Variants in BORA observed in about 807,000 individuals in gnomAD.
BORA encodes the protein protein aurora borealis.
In BORA, 26 loss-of-function variants were observed where a neutral mutation model predicts 55.8. That is an observed-to-expected ratio of 0.47 (90% CI 0.34 to 0.65). BORA has a LOEUF of 0.65. Among genes scored for constraint, BORA ranks in the 30% least tolerant of loss-of-function variants. The probability of loss-of-function intolerance (pLI) is 0.01; values close to 1 mark genes in which losing one functional copy is unlikely to be tolerated. For synonymous variants in BORA, 201 were observed against 216.9 expected (o/e 0.93, Z 0.64); for missense variants, 568 against 671.5 (o/e 0.85, Z 1.70).
chr13:72,735,506 A>T (rs369178615), intron 4 of BORA, among the ~76,000 whole-genome samples: 1 of 152,212 alleles, frequency 6.6e-6, no homozygotes, highest in African/African-American at 2.4e-5. Flanking sequence ...CAGGAAAGGT[A>T]TATCATAATG....
intron 10 of BORA, among the ~76,000 whole-genome samples, chr13:72,750,507 T>A (rs965000090): frequency 6.6e-6 from 1 of 152,050 alleles, no homozygotes; most frequent in Non-Finnish European, 1.5e-5. Context: ...GGTTGCAATT[T>A]TTTGAATTTT....
At position 72,737,973 on chromosome 13, in the gene BORA, A is replaced by G; in HGVS notation, c.318A>G (p.Lys106=). 1 of 1,588,182 alleles carries G rather than the reference A, an allele frequency of 6.3e-7. No homozygotes were observed. Among genetic ancestry groups the G allele is most frequent in the Non-Finnish European group, 8.6e-7 (1 of 1,164,808 alleles). ...TTTAATTTTCCTAGTTTTTCACTAAAGATGTCATCGTACCCTCTCCTTGGA... is the reference window on the plus strand; with the variant it reads ...TTTAATTTTCCTAGTTTTTCACTAAGGATGTCATCGTACCCTCTCCTTGGA... ...RQKAIEEFFT[K]DVIVPSPWTD... The change falls in exon 5 of 12, where the codon AAA becomes AAG. Residue 106 remains lysine (K), a synonymous_variant. Transcript: ENST00000390667.
intron 3 of BORA, among the ~76,000 whole-genome samples, 156 bp from the exon 4 acceptor site, chr13:72,734,804 A>G (rs2032885493): frequency 6.6e-6 from 1 of 152,230 alleles, no homozygotes; most frequent in African/African-American, 2.4e-5. Context: ...AAATGTTACT[A>G]AATGTTACAA....
intron 10 of BORA, 44 bp from the exon 11 acceptor site, chr13:72,753,644 CTT>C: frequency 6.4e-7 from 1 of 1,571,380 alleles, no homozygotes; most frequent in South Asian, 1.2e-5. Context: ...AAATATTTGA[CTT>C]TTAAGTTCCT....
Position 72,746,780 on chromosome 13 carries a change from A to G in BORA, c.1151A>G (p.His384Arg). Residue 384 changes from histidine to arginine, a missense_variant, in exon 10 of 12, where the codon CAC (histidine) becomes CGC (arginine). His to Arg is a conservative substitution (Grantham distance 29). Transcript: ENST00000390667. ...CCCGCCATGGATGCTGCTGGAATACACCTACGGCAGTTTAGTAATGAGGCT... is the reference window on the plus strand; with the variant it reads ...CCCGCCATGGATGCTGCTGGAATACGCCTACGGCAGTTTAGTAATGAGGCT... ...SSPAMDAAGI[H>R]LRQFSNEAST... is the part of the protein sequence containing the mutation. 6.2e-7 allele frequency: 1 copy of G among 1,614,136 alleles called. No individual in the cohort carries two copies.
intron 5 of BORA, among the ~76,000 whole-genome samples, chr13:72,739,572 G>A (rs1461179099): frequency 6.6e-6 from 1 of 152,146 alleles, no homozygotes; most frequent in Non-Finnish European, 1.5e-5. Flanking sequence ...AGTTTGTTTT[G>A]CTGTCCAGTA....
At chr13:72,735,415 G>C (rs909426135) in intron 4 of BORA, among the ~76,000 whole-genome samples, 4 of 152,074 alleles carry the variant, frequency 2.6e-5, no homozygotes, top group African/African-American at 9.7e-5. Flanking sequence ...GTCTAGATTG[G>C]CATTGGGAAT....
intron 10 of BORA, among the ~76,000 whole-genome samples, chr13:72,748,678 T>C (rs2033200395): frequency 6.6e-6 from 1 of 152,236 alleles, no homozygotes; most frequent in South Asian, 2.1e-4. Flanking sequence ...CTTAAAAGTA[T>C]ATGCCTTAAA....
chr13:72,737,099 CA>C (rs1310318039), intron 4 of BORA, among the ~76,000 whole-genome samples: 1 of 151,820 alleles, frequency 6.6e-6, no homozygotes, highest in Non-Finnish European at 1.5e-5. Flanking sequence ...TGGTTACTTG[CA>C]AAACCTAGGG....
At chr13:72,741,880 T>A (rs892261211) in intron 5 of BORA, among the ~76,000 whole-genome samples, 2 of 152,064 alleles carry the variant, frequency 1.3e-5, no homozygotes, top group African/African-American at 4.8e-5. Flanking sequence ...ATGAGAGAGA[T>A]ACCTGTTTCT....
chr13:72,750,626 AAG>A (rs1318176295), intron 10 of BORA, among the ~76,000 whole-genome samples: 2 of 152,112 alleles, frequency 1.3e-5, no homozygotes, highest in African/African-American at 2.4e-5. Flanking sequence ...CATTTAAATG[AAG>A]AGAGAGAAGA....
intron 2 of BORA, among the ~76,000 whole-genome samples, chr13:72,731,021 T>C (rs2032803038): frequency 1.3e-5 from 2 of 151,940 alleles, no homozygotes; most frequent in South Asian, 4.2e-4. Flanking sequence ...TGAGCTGAGA[T>C]TACACCAGTG....
At chr13:72,738,472 G>A (rs1292522362) in intron 5 of BORA, among the ~76,000 whole-genome samples, 1 of 152,012 alleles carries the variant, frequency 6.6e-6, no homozygotes, top group Admixed American at 6.6e-5. Flanking sequence ...ATGACCTCTG[G>A]GACAGTGTAT....
rs962081943 is a variant in BORA at position 72,755,321 on chromosome 13, A to G, written c.*105A>G. 8 of 910,850 alleles carry G rather than the reference A, an allele frequency of 8.8e-6. No individual in the cohort carries two copies. The highest frequency in any genetic ancestry group is 1.4e-5 in the Non-Finnish European group (8 of 585,054). The allele number at this position is 910,850 out of a possible 1,614,324, so 56.4% of individuals were successfully genotyped here. On this transcript the variant is annotated 3_prime_UTR_variant, in exon 12 of 12. Transcript: ENST00000390667. ...CTGGGAAAAAATTACTTCAAGTAAC[A>G]TGCTTAGCTTTCCCTCCTTAATGTG...
At chr13:72,735,985 A>G (rs1201979378) in intron 4 of BORA, among the ~76,000 whole-genome samples, 1 of 151,870 alleles carries the variant, frequency 6.6e-6, no homozygotes, top group East Asian at 1.9e-4. Context: ...TCTGATTTTT[A>G]CTTTTCTGCC....
chr13:72,746,779 C>T lies in BORA; in HGVS notation c.1150C>T (p.His384Tyr). ...SSPAMDAAGI[H>Y]LRQFSNEAST... ...ACCCGCCATGGATGCTGCTGGAATA[C>T]ACCTACGGCAGTTTAGTAATGAGGC... Residue 384 changes from histidine to tyrosine, a missense_variant, in exon 10 of 12, where the codon CAC becomes TAC. By Grantham distance (83) the His-to-Tyr change is moderately conservative (BLOSUM62 2). Transcript: ENST00000390667. 3 of 1,614,158 alleles carry T rather than the reference C, an allele frequency of 1.9e-6. No individual in the cohort carries two copies. Among genetic ancestry groups the T allele is most frequent in the Non-Finnish European group, 2.5e-6 (3 of 1,180,006 alleles).
chr13:72,755,769 T>G lies in BORA; in HGVS notation c.*553T>G, dbSNP rs987147297. On this transcript the variant is annotated 3_prime_UTR_variant, in exon 12 of 12. Coordinates refer to ENST00000390667, the MANE Select transcript of BORA (RefSeq NM_024808.5). ...GAAAATTCTTAGTTCCAGTGATAAC[T>G]GTTCTAGTTACTACTTTTAAGTATG... 2 of 397,754 alleles carry G rather than the reference T, an allele frequency of 5.0e-6. No individual in the cohort carries two copies. The highest frequency in any genetic ancestry group is 8.9e-6 in the Non-Finnish European group (2 of 225,982). The allele number at this position is 397,754 out of a possible 1,614,324, so 24.6% of individuals were successfully genotyped here.
intron 5 of BORA, among the ~76,000 whole-genome samples, chr13:72,739,990 C>G (rs143037668): frequency 0.013 from 1,732 of 133,586 alleles, 26 homozygotes; most frequent in African/African-American, 0.045. Context: ...TGTGGCATGT[C>G]TGTGTAGTCC....
chr13:72,730,104 T>G (rs762596194), intron 2 of BORA, among the ~76,000 whole-genome samples: 4 of 152,118 alleles, frequency 2.6e-5, no homozygotes, highest in Non-Finnish European at 5.9e-5. Context: ...CCACTTTATC[T>G]TATTTTACTG....
Sources: allele counts gnomAD v4.1 joint callset (sites outside exome capture counted in the v4.1 genomes callset), GRCh38; gene constraint gnomAD v4.1.1; transcripts MANE v1.5; gene names NCBI Gene and HGNC (gene_info 2026-07-23, HGNC 2026-07-21).